Variants in ZFP91 observed in about 807,000 individuals in gnomAD.
ZFP91 encodes the protein ZFP91 zinc finger protein, atypical E3 ubiquitin ligase, also known as E3 ubiquitin-protein ligase ZFP91.
Under a neutral mutation model 63.5 loss-of-function variants are expected in ZFP91, and 7 were observed. The ratio of observed to expected loss-of-function variants is 0.11; its 90% CI spans 0.06 to 0.21. ZFP91 has a LOEUF of 0.21. Among genes scored for constraint, ZFP91 ranks in the 10% least tolerant of loss-of-function variants. ZFP91 has a pLI of 1.00. For synonymous variants in ZFP91, 330 were observed against 272.1 expected (o/e 1.21, Z -2.10); for missense variants, 628 against 736.6 (o/e 0.85, Z 1.71).
intron 2 of ZFP91, among the ~76,000 whole-genome samples, chr11:58,606,570 T>C (rs539489424): frequency 3.9e-4 from 59 of 152,258 alleles, no homozygotes; most frequent in Non-Finnish European, 7.1e-4. Context: ...TTGTATGATA[T>C]GAAATTTAGG....
At chr11:58,596,407 A>G (rs1855404980) in intron 2 of ZFP91, among the ~76,000 whole-genome samples, 1 of 152,212 alleles carries the variant, frequency 6.6e-6, no homozygotes, top group Non-Finnish European at 1.5e-5. Context: ...CTACACTTTA[A>G]CCATTTGCTT....
Position 58,609,973 on chromosome 11 carries a change from C to T in ZFP91, c.514C>T (p.Arg172Trp), listed in dbSNP as rs748808135. ...HRDTENTRSS[R>W]SKTGSLQLIC... ...TGATACAGAGAACACCCGAAGCTCTCGGTCCAAGACCGGTTCATTGCAGCT... is the reference window on the plus strand; with the variant it reads ...TGATACAGAGAACACCCGAAGCTCTTGGTCCAAGACCGGTTCATTGCAGCT... Residue 172 changes from arginine to tryptophan, a missense_variant, in exon 3 of 11, where the codon CGG (arginine) becomes TGG (tryptophan). Transcript: ENST00000316059. The T allele has an allele frequency of 6.2e-6, 10 of 1,614,168 alleles. No homozygotes were observed. The highest frequency in any genetic ancestry group is 1.7e-5 in the Admixed American group (1 of 60,018).
chr11:58,617,897 C>T lies in ZFP91; in HGVS notation c.*191C>T. On this transcript the variant is annotated 3_prime_UTR_variant, in exon 11 of 11. Transcript: ENST00000316059. This position sits in a 1 kb window ranked among gnomAD's most constrained non-coding sequence, Gnocchi z 4.2. ...TCCCCTGTTCTCCCTCTGTTGCTCC[C>T]CTTATAAAATTGATGTTGTCTTTAC... 1 of 678,398 alleles carries T rather than the reference C, an allele frequency of 1.5e-6. No individual in the cohort carries two copies. The highest frequency in any genetic ancestry group is 2.1e-6 in the Non-Finnish European group (1 of 481,294). 42.0% of individuals were successfully genotyped at this position (678,398 alleles called of 1,614,324 possible). A position where few individuals can be genotyped will look rare whatever the true frequency, so the allele number is the denominator to read the frequency against.
At chr11:58,616,914 CT>C in intron 10 of ZFP91, 99 bp downstream of exon 10, 1 of 1,142,048 alleles carries the variant, frequency 8.8e-7, no homozygotes, top group South Asian at 1.4e-5. Context: ...CTGCTGTTTA[CT>C]TTCATCAAAT....
intron 2 of ZFP91, among the ~76,000 whole-genome samples, chr11:58,601,350 A>G (rs1182806174): frequency 6.6e-6 from 1 of 152,132 alleles, no homozygotes; most frequent in Non-Finnish European, 1.5e-5. Flanking sequence ...GTGCCTAAGA[A>G]GTTGTTGATT....
chr11:58,612,975 A>G, intron 8 of ZFP91, 135 bp downstream of exon 8: 1 of 757,982 alleles, frequency 1.3e-6, no homozygotes, highest in South Asian at 2.0e-5. Context: ...TTCTTTAAAC[A>G]TAAAATGACT....
intron 2 of ZFP91, among the ~76,000 whole-genome samples, chr11:58,596,800 T>C (rs1855411709): frequency 6.6e-6 from 1 of 151,958 alleles, no homozygotes; most frequent in Non-Finnish European, 1.5e-5. Context: ...CTGGACACAA[T>C]TTTCTCCAGC....
At chr11:58,603,407 A>G (rs1219106101) in intron 2 of ZFP91, among the ~76,000 whole-genome samples, 1 of 152,222 alleles carries the variant, frequency 6.6e-6, no homozygotes, top group Non-Finnish European at 1.5e-5. Flanking sequence ...GAGACTTGGT[A>G]TATAACTTGT....
intron 5 of ZFP91, chr11:58,611,263 A>C: frequency 2.0e-6 from 1 of 493,030 alleles, no homozygotes; most frequent in Non-Finnish European, 3.5e-6. Flanking sequence ...TTTTGATTAT[A>C]TACAAGTTTT....
intron 2 of ZFP91, among the ~76,000 whole-genome samples, chr11:58,604,217 A>G (rs1279778649): frequency 2.0e-5 from 3 of 152,212 alleles, no homozygotes; most frequent in African/African-American, 7.2e-5. Context: ...ATCAAGTTAT[A>G]ATGGAGTTAT....
intron 3 of ZFP91, 98 bp downstream of exon 3, chr11:58,610,137 C>T (rs939211243): frequency 9.5e-6 from 14 of 1,474,458 alleles, no homozygotes; most frequent in Admixed American, 3.6e-5. Flanking sequence ...CTGTCAGGGG[C>T]AGGTTTGATG....
At chr11:58,583,361 GTTTT>G (rs1855150693) in intron 1 of ZFP91, among the ~76,000 whole-genome samples, 1 of 152,000 alleles carries the variant, frequency 6.6e-6, no homozygotes, top group African/African-American at 2.4e-5. Flanking sequence ...AAGGAAAGTA[GTTTT>G]ATTTTCTAGT....
intron 8 of ZFP91, among the ~76,000 whole-genome samples, chr11:58,613,820 T>C (rs1417183755): frequency 2.0e-5 from 3 of 152,156 alleles, no homozygotes; most frequent in Non-Finnish European, 2.9e-5. Flanking sequence ...GCAACAAATA[T>C]AACATGACAC....
intron 2 of ZFP91, among the ~76,000 whole-genome samples, chr11:58,603,111 T>C (rs1312161329): frequency 6.6e-6 from 1 of 152,220 alleles, no homozygotes; most frequent in Non-Finnish European, 1.5e-5. Context: ...GGAGAAAAGG[T>C]GATCCTTGTT....
chr11:58,590,661 G>A (rs906360089), intron 2 of ZFP91, among the ~76,000 whole-genome samples: 3 of 152,102 alleles, frequency 2.0e-5, no homozygotes, highest in African/African-American at 7.2e-5. Flanking sequence ...ATTTTACTCA[G>A]CAATGTTTTG....
In ZFP91 at chr11:58,614,379, C is replaced by A. The variant is rs375679055; in HGVS notation, c.1102+36C>A. ...AATGTGTTTATCAAGTAGGTAATTG[C>A]ACTGTGCTTTAGTTTTGCATGTTGG... On this transcript the variant is annotated intron_variant, in intron 9 of 10. Coordinates refer to ENST00000316059, the MANE Select transcript of ZFP91 (RefSeq NM_053023.5). The A allele has an allele frequency of 6.8e-6, 10 of 1,462,338 alleles. No homozygotes were observed. In the African/African-American group the frequency reaches 1.4e-4, roughly 20 times the overall value. 90.6% of individuals were successfully genotyped at this position (1,462,338 alleles called of 1,614,324 possible).
In ZFP91 at chr11:58,620,746, C is replaced by T. The variant is rs947146360; in HGVS notation, c.*3040C>T. 4 of 152,522 alleles carry T rather than the reference C, an allele frequency of 2.6e-5. No individual in the cohort carries two copies. The highest frequency in any genetic ancestry group is 9.7e-5 in the African/African-American group (4 of 41,430). The allele number at this position is 152,522 out of a possible 1,614,324, so 9.4% of individuals were successfully genotyped here. A position where few individuals can be genotyped will look rare whatever the true frequency, so the allele number is the denominator to read the frequency against. On this transcript the variant is annotated 3_prime_UTR_variant, in exon 11 of 11. Coordinates refer to ENST00000316059, the MANE Select transcript of ZFP91 (RefSeq NM_053023.5). ...TGGTTGTTTGAAATACCATTTTTTTCTCCTTTTGTGTTTTTCCCACTTTCC... is the reference window on the plus strand; with the variant it reads ...TGGTTGTTTGAAATACCATTTTTTTTTCCTTTTGTGTTTTTCCCACTTTCC...
At chr11:58,590,558 T>C (rs557446046) in intron 2 of ZFP91, among the ~76,000 whole-genome samples, 4 of 152,244 alleles carry the variant, frequency 2.6e-5, no homozygotes, top group Admixed American at 2.6e-4. Flanking sequence ...CAACAAAAAA[T>C]AGAAAATCGA....
Position 58,579,296 on chromosome 11 carries a change from G to C in ZFP91, c.15G>C (p.Thr5=). The part of the protein sequence containing the change: MPGE[T]EEPRPPEQQD... Reference sequence around the variant, plus strand: ...GACAAGCCCCGATGCCGGGGGAGACGGAAGAGCCGAGACCCCCGGAGCAGC... The same window carrying C: ...GACAAGCCCCGATGCCGGGGGAGACCGAAGAGCCGAGACCCCCGGAGCAGC... Residue 5 remains threonine, a synonymous_variant, in exon 1 of 11, where the codon ACG becomes ACC. Coordinates refer to ENST00000316059, the MANE Select transcript of ZFP91 (RefSeq NM_053023.5). The C allele has an allele frequency of 6.8e-7, 1 of 1,468,310 alleles. No homozygotes were observed. Among genetic ancestry groups the C allele is most frequent in the Non-Finnish European group, 9.0e-7 (1 of 1,116,654 alleles). 91.0% of individuals were successfully genotyped at this position (1,468,310 alleles called of 1,614,324 possible). A position where few individuals can be genotyped will look rare whatever the true frequency, so the allele number is the denominator to read the frequency against.
Sources: gnomAD v4.1 joint callset for allele counts (sites outside exome capture counted in the v4.1 genomes callset) on GRCh38, gnomAD v4.1.1 for gene constraint, Gnocchi (gnomAD v3.1) non-coding constraint, MANE v1.5 for transcripts, NCBI Gene and HGNC (gene_info 2026-07-23, HGNC 2026-07-21) for gene names.